The following CNOT1 variants were observed in gnomAD, a reference collection of about 807,000 sequenced individuals.
The protein encoded by CNOT1 is CCR4-NOT transcription complex subunit 1, also known as CCR4-associated factor 1.
A neutral mutation model predicts 273.8 loss-of-function variants in CNOT1; 15 were observed. That is an observed-to-expected ratio of 0.05 (90% CI 0.04 to 0.08). The LOEUF (loss-of-function observed/expected upper bound fraction) is 0.08, where lower values mean the gene tolerates loss of function less well. Ranked by LOEUF, CNOT1 falls within the 10% of genes least tolerant of loss-of-function variation. The pLI is 1.00. For synonymous variants in CNOT1, 1,022 were observed against 1,005.5 expected, an observed-to-expected ratio of 1.02 and a Z score of -0.31; for missense variants, 1,644 against 2,912.2, an observed-to-expected ratio of 0.56 and a Z score of 10.02.
chr16:58,528,537 A>G lies in CNOT1; in HGVS notation c.6391T>C (p.Leu2131=), dbSNP rs2039676615. Residue 2131 remains leucine (L), a synonymous_variant, in exon 44 of 49, where the codon TTG becomes CTG. Transcript: ENST00000317147. ...TTTCTTGGAAAGGCACTCAGGATCAAATTTCTTAACTGGATACAATTAGGT... is the reference window on the plus strand; with the variant it reads ...TTTCTTGGAAAGGCACTCAGGATCAGATTTCTTAACTGGATACAATTAGGT... ...IPPNCIQLRN[L]ILSAFPRNMR... The G allele has an allele frequency of 2.5e-6, 4 of 1,613,788 alleles. No homozygotes were observed. Among genetic ancestry groups the G allele is most frequent in the Non-Finnish European group, 3.4e-6 (4 of 1,179,686 alleles).
chr16:58,532,552 C>A, intron 40 of CNOT1, 157 bp from the exon 41 acceptor site: 1 of 1,337,344 alleles, frequency 7.5e-7, no homozygotes, highest in Non-Finnish European at 9.8e-7. Context: ...CCGATAGGGT[C>A]ATAAATTGGT....
At chr16:58,568,241 G>A (rs530391419) in intron 16 of CNOT1, among the ~76,000 whole-genome samples, 14 of 152,188 alleles carry the variant, frequency 9.2e-5, no homozygotes, top group East Asian at 3.9e-4. Context: ...AATGGTGCAT[G>A]CCTGTAATCC....
chr16:58,602,574 A>AAC (rs1224877744), intron 1 of CNOT1, among the ~76,000 whole-genome samples: 3 of 149,346 alleles, frequency 2.0e-5, no homozygotes, highest in East Asian at 2.0e-4. Context: ...AAAAAAAAAA[A>AAC]AAACCCATCC....
At position 58,552,278 on chromosome 16, in the gene CNOT1, T is replaced by C. The variant is rs147027685; in HGVS notation, c.2971-459A>G. Among the ~76,000 whole-genome samples the C allele has an allele frequency of 2.3e-4, 35 of 152,128 alleles. No individual in the cohort carries two copies. The East Asian group carries it at 6.0e-3, about 26-fold the overall frequency. On this transcript the variant is annotated intron_variant, in intron 22 of 48. Coordinates refer to ENST00000317147, the MANE Select transcript of CNOT1 (RefSeq NM_016284.5). Reference sequence around the variant, plus strand: ...CTTTACATAGCCCATCCCCACAATTTAGAGTGATAAGGATCCTGAAGCTAT... The same window carrying C: ...CTTTACATAGCCCATCCCCACAATTCAGAGTGATAAGGATCCTGAAGCTAT...
In CNOT1 at chr16:58,541,598, T is replaced by G; in HGVS notation, c.4703A>C (p.Gln1568Pro). The change falls in exon 34 of 49, where the codon CAG becomes CCG. Residue 1568 changes from glutamine (Q) to proline (P), a missense_variant. Physicochemically the swap from Gln to Pro is moderately conservative, Grantham distance 76. Transcript: ENST00000317147. ...TGCAAACTCTTCGTAAACAGCCAAC[T>G]GCTTTGGGTCCACACCACCAACCTT... ...RLKVGGVDPK[Q>P]LAVYEEFARN... 1 of 1,614,070 alleles carries G rather than the reference T, an allele frequency of 6.2e-7. No individual in the cohort carries two copies. The highest frequency in any genetic ancestry group is 8.5e-7 in the Non-Finnish European group (1 of 1,179,928).
intron 2 of CNOT1, among the ~76,000 whole-genome samples, chr16:58,591,443 G>T (rs2042049170): frequency 6.6e-6 from 1 of 152,116 alleles, no homozygotes; most frequent in Non-Finnish European, 1.5e-5. Context: ...ATTTTTAAGA[G>T]GCAGAATATG....
rs745513206 is a variant in CNOT1 at position 58,547,709 on chromosome 16, T to G, written c.3523-27A>C. The G allele has an allele frequency of 6.3e-7, 1 of 1,599,658 alleles. No individual in the cohort carries two copies. Among genetic ancestry groups the G allele is most frequent in the Admixed American group, 1.7e-5 (1 of 58,236 alleles). ...TGAAATAGTGTAAGATTAAGAAAGA[T>G]ATGAGAATAAGCTTATGAAAGAAAA... On this transcript the variant is annotated intron_variant, in intron 25 of 48. Coordinates refer to ENST00000317147, the MANE Select transcript of CNOT1 (RefSeq NM_016284.5). The surrounding 1 kb of genome is among the most constrained non-coding windows in gnomAD (Gnocchi z 4.0).
intron 46 of CNOT1, 47 bp from the exon 47 acceptor site, chr16:58,523,549 C>G: frequency 1.3e-6 from 2 of 1,592,982 alleles, no homozygotes; most frequent in Non-Finnish European, 1.7e-6. Context: ...GAAAGGCCAA[C>G]ATGGGAAGAC....
intron 1 of CNOT1, among the ~76,000 whole-genome samples, chr16:58,599,868 AG>A (rs1268686901): frequency 6.6e-6 from 1 of 152,136 alleles, no homozygotes. Context: ...GTTCGAGACC[AG>A]CCCGGCCAAC....
intron 34 of CNOT1, chr16:58,540,191 A>C: frequency 2.5e-6 from 1 of 404,784 alleles, no homozygotes; most frequent in Non-Finnish European, 4.4e-6. Context: ...TGAGAGAGGA[A>C]AACCTGGCAG....
At chr16:58,523,348 A>G in intron 47 of CNOT1, 22 bp downstream of exon 47, 4 of 1,560,064 alleles carry the variant, frequency 2.6e-6, no homozygotes, top group Non-Finnish European at 3.5e-6. Flanking sequence ...TGAAGCATTT[A>G]AAAAATAAGC....
chr16:58,592,190 C>T (rs529486166), intron 2 of CNOT1, among the ~76,000 whole-genome samples: 81 of 152,168 alleles, frequency 5.3e-4, no homozygotes, highest in Admixed American at 1.6e-3. Context: ...TAAATATAAT[C>T]TTAACATCTT....
intron 1 of CNOT1, among the ~76,000 whole-genome samples, chr16:58,621,317 A>T (rs910438114): frequency 2.0e-5 from 3 of 151,952 alleles, no homozygotes; most frequent in African/African-American, 4.8e-5. Context: ...CTTGTTGCCT[A>T]GGCTGGAGTG....
At chr16:58,521,091 C>A in intron 48 of CNOT1, 55 bp from the exon 49 acceptor site, 2 of 1,613,462 alleles carry the variant, frequency 1.2e-6, no homozygotes, top group Non-Finnish European at 1.7e-6. Flanking sequence ...CTAACAATAC[C>A]TTGCATCTCA....
At chr16:58,600,240 C>T (rs1380519262) in intron 1 of CNOT1, among the ~76,000 whole-genome samples, 1 of 148,770 alleles carries the variant, frequency 6.7e-6, no homozygotes, top group Non-Finnish European at 1.5e-5. Context: ...CCTAACTACT[C>T]GGGAGGCTGA....
Position 58,599,523 on chromosome 16 carries a change from A to C in CNOT1, c.-174-12T>G, listed in dbSNP as rs757927778. On this transcript the variant is annotated splice_polypyrimidine_tract_variant and intron_variant, in intron 1 of 48. Coordinates refer to ENST00000317147, the MANE Select transcript of CNOT1 (RefSeq NM_016284.5). ...CTGAAACATGGCACCTGTTTAAAAA[A>C]ACACACACACACAAATCCAGATTTT... is the stretch of plus-strand genomic sequence containing the variant. 50 of 641,786 alleles carry C rather than the reference A, an allele frequency of 7.8e-5. No homozygotes were observed. The highest frequency in any genetic ancestry group is 2.2e-4 in the Admixed American group (7 of 32,238). 39.8% of individuals were successfully genotyped at this position (641,786 alleles called of 1,614,324 possible). A position where few individuals can be genotyped will look rare whatever the true frequency, so the allele number is the denominator to read the frequency against.
intron 1 of CNOT1, among the ~76,000 whole-genome samples, chr16:58,620,739 T>C (rs1490192158): frequency 1.4e-5 from 2 of 147,456 alleles, no homozygotes; most frequent in Admixed American, 6.8e-5. Flanking sequence ...TACAACACAG[T>C]AGTACCACAG....
intron 7 of CNOT1, 86 bp downstream of exon 7, chr16:58,586,432 GGGGAGGGCAGGGAGGAGGGGAGGGTGA>G: frequency 2.1e-5 from 4 of 187,074 alleles, no homozygotes; most frequent in East Asian, 6.2e-5. Flanking sequence ...GAGGAGGGGA[GGGGAGGGCAGGGAGGAGGGGAGGGTGA>G]GGGGAGGGGA....
At chr16:58,589,616 C>T (rs11649173) in intron 2 of CNOT1, among the ~76,000 whole-genome samples, 55,253 of 152,136 alleles carry the variant, frequency 0.36, 11,071 homozygotes, top group Non-Finnish European at 0.46. Flanking sequence ...TCAACATCTA[C>T]ACCAAAAACA....
Sources: gnomAD v4.1 joint callset for allele counts (sites outside exome capture counted in the v4.1 genomes callset) on GRCh38, gnomAD v4.1.1 for gene constraint, Gnocchi (gnomAD v3.1) non-coding constraint, MANE v1.5 for transcripts, NCBI Gene and HGNC (gene_info 2026-07-23, HGNC 2026-07-21) for gene names.